SYT1: variants seen among roughly 807,000 people sequenced by gnomAD.
The protein encoded by SYT1 is synaptotagmin 1.
Under a neutral mutation model 44.8 loss-of-function variants are expected in SYT1, and 8 were observed. The observed-to-expected ratio is 0.18, with a 90% CI of 0.10 to 0.32. The LOEUF (loss-of-function observed/expected upper bound fraction) is 0.32. Among genes scored for constraint, SYT1 ranks in the 10% least tolerant of loss-of-function variants. SYT1 has a pLI of 1.00. For synonymous variants in SYT1, 154 were observed against 188.8 expected (o/e 0.82, Z 1.51); for missense variants, 286 against 509.3 (o/e 0.56, Z 4.22).
Position 79,022,367 on chromosome 12 carries a change from TG to T in SYT1, c.-83-24927del, listed in dbSNP as rs1872251174. Among the ~76,000 whole-genome samples the T allele has an allele frequency of 2.0e-5, 3 of 151,950 alleles. No homozygotes were observed. The South Asian group carries it at 6.2e-4, about 32-fold the overall frequency. Reference sequence around the variant, plus strand: ...CGTCAGTGGCTCTCAAAGTATGATCTGGGTACCTGTAGACCCCAAGACGTTT... The same window carrying T: ...CGTCAGTGGCTCTCAAAGTATGATCTGGTACCTGTAGACCCCAAGACGTTT... On this transcript the variant is annotated intron_variant, in intron 2 of 10. Coordinates refer to ENST00000261205, the MANE Select transcript of SYT1 (RefSeq NM_005639.3).
intron 6 of SYT1, 100 bp downstream of exon 6, chr12:79,292,230 AG>A: frequency 1.4e-6 from 2 of 1,389,986 alleles, no homozygotes; most frequent in Non-Finnish European, 1.9e-6. Context: ...GTTTGCTGTG[AG>A]GGGAAAATGC....
At chr12:78,981,216 C>T (rs560788254) in intron 2 of SYT1, among the ~76,000 whole-genome samples, 27 of 147,538 alleles carry the variant, frequency 1.8e-4, no homozygotes, top group Admixed American at 3.5e-4. Flanking sequence ...CAACCTCCAA[C>T]TCCCAGGTTC....
chr12:79,327,853 A>G (rs1449988256), intron 8 of SYT1, among the ~76,000 whole-genome samples: 1 of 152,236 alleles, frequency 6.6e-6, no homozygotes, highest in Admixed American at 6.5e-5. Context: ...AAGAGGAAGC[A>G]GGGAAAGCAT....
intron 9 of SYT1, among the ~76,000 whole-genome samples, chr12:79,386,337 A>T (rs1442101076): frequency 6.7e-6 from 1 of 148,930 alleles, no homozygotes; most frequent in South Asian, 2.1e-4. Context: ...CTTAGTATTC[A>T]TTAGTTTTCT....
At chr12:78,883,008 G>T (rs562808252) in intron 1 of SYT1, among the ~76,000 whole-genome samples, 1 of 151,576 alleles carries the variant, frequency 6.6e-6, no homozygotes, top group Non-Finnish European at 1.5e-5. Flanking sequence ...TAAAGATAAA[G>T]TAGAGATTGT....
At chr12:78,941,780 A>T (rs1592587434) in intron 1 of SYT1, among the ~76,000 whole-genome samples, 1 of 152,142 alleles carries the variant, frequency 6.6e-6, no homozygotes, top group African/African-American at 2.4e-5. Flanking sequence ...GCTAATAGAC[A>T]CCTGGTCAGT....
At chr12:79,122,605 C>G (rs1868295103) in intron 3 of SYT1, among the ~76,000 whole-genome samples, 1 of 147,642 alleles carries the variant, frequency 6.8e-6, no homozygotes, top group African/African-American at 2.5e-5. Flanking sequence ...TGAGCTATTA[C>G]TAAACTGGAA....
intron 3 of SYT1, among the ~76,000 whole-genome samples, chr12:79,117,695 AT>A (rs1879366132): frequency 2.7e-4 from 23 of 86,712 alleles, no homozygotes; most frequent in African/African-American, 1.8e-4. Flanking sequence ...ATATATATAT[AT>A]ATATATATAT....
intron 2 of SYT1, among the ~76,000 whole-genome samples, chr12:79,004,142 C>A (rs963214319): frequency 6.6e-6 from 1 of 151,850 alleles, no homozygotes; most frequent in African/African-American, 2.4e-5. Flanking sequence ...CATTCATATT[C>A]ACTGAAATTT....
chr12:79,312,759 A>G (rs951269536), intron 8 of SYT1, among the ~76,000 whole-genome samples: 1 of 145,892 alleles, frequency 6.9e-6, no homozygotes, highest in African/African-American at 2.6e-5. Flanking sequence ...TGTAATTCAC[A>G]AGGGGCTGCA....
At chr12:79,302,968 T>C (rs1880221018) in intron 8 of SYT1, among the ~76,000 whole-genome samples, 1 of 152,156 alleles carries the variant, frequency 6.6e-6, no homozygotes, top group Non-Finnish European at 1.5e-5. Flanking sequence ...TTCAAAATCA[T>C]CCTTGGTAAT....
chr12:79,451,389 G>A lies in SYT1; in HGVS notation c.*2265G>A, dbSNP rs907020493. 4 of 152,148 alleles carry A rather than the reference G, an allele frequency of 2.6e-5. No homozygotes were observed. The highest frequency in any genetic ancestry group is 7.2e-5 in the African/African-American group (3 of 41,440). The allele number at this position is 152,148 out of a possible 1,614,324, so 9.4% of individuals were successfully genotyped here. On this transcript the variant is annotated 3_prime_UTR_variant, in exon 11 of 11. Coordinates refer to ENST00000261205, the MANE Select transcript of SYT1 (RefSeq NM_005639.3). Reference sequence around the variant, plus strand: ...AAGGGCCAAACCCTACCAAAGAGAGGGAGTTGACTGGCTTTTAAAAAGTAT... The same window carrying A: ...AAGGGCCAAACCCTACCAAAGAGAGAGAGTTGACTGGCTTTTAAAAAGTAT...
At chr12:78,872,783 T>C (rs910935128) in intron 1 of SYT1, among the ~76,000 whole-genome samples, 1 of 151,822 alleles carries the variant, frequency 6.6e-6, no homozygotes, top group African/African-American at 2.4e-5. Context: ...TTTGTATACA[T>C]TTTAGGTTAG....
intron 1 of SYT1, among the ~76,000 whole-genome samples, chr12:78,901,713 TCTC>T (rs1286863871): frequency 6.6e-6 from 1 of 152,102 alleles, no homozygotes; most frequent in Non-Finnish European, 1.5e-5. Flanking sequence ...CCAATCCAAT[TCTC>T]CTCAGACACC....
intron 9 of SYT1, among the ~76,000 whole-genome samples, chr12:79,383,332 A>G (rs1225993911): frequency 6.6e-6 from 1 of 152,226 alleles, no homozygotes; most frequent in Non-Finnish European, 1.5e-5. Context: ...TAGAAAAGGT[A>G]CATTTAAAAC....
rs115229171 is a variant in SYT1 at position 79,072,745 on chromosome 12, A to T, written c.-18+25383A>T. 3.6e-3 allele frequency among the ~76,000 whole-genome samples: 545 copies of T among 152,262 alleles called. 2 individuals are homozygous for T. Among genetic ancestry groups the T allele is most frequent in the African/African-American group, 0.013 (525 of 41,550 alleles). ...AAACAAGATGAGAATTAAGGATGGG[A>T]TGGATATTCCAGAGAAATGGAACGA... is the stretch of plus-strand genomic sequence containing the variant. On this transcript the variant is annotated intron_variant, in intron 3 of 10. Transcript: ENST00000261205.
At chr12:79,349,571 A>T (rs552293673) in intron 8 of SYT1, among the ~76,000 whole-genome samples, 1 of 152,282 alleles carries the variant, frequency 6.6e-6, no homozygotes, top group South Asian at 2.1e-4. Context: ...GTCTTTATAT[A>T]TAAAATGGAC....
chr12:79,066,958 G>C (rs535822809), intron 3 of SYT1, among the ~76,000 whole-genome samples: 1 of 152,228 alleles, frequency 6.6e-6, no homozygotes, highest in South Asian at 2.1e-4. Flanking sequence ...AATTTTCAGG[G>C]ATAGGTTGGA....
chr12:78,928,453 C>A (rs916114601), intron 1 of SYT1, among the ~76,000 whole-genome samples: 6 of 152,266 alleles, frequency 3.9e-5, no homozygotes, highest in East Asian at 3.9e-4. Flanking sequence ...ACATTAGCAA[C>A]CTCAACCTCA....
Sources: gnomAD v4.1 joint callset for allele counts (sites outside exome capture counted in the v4.1 genomes callset) on GRCh38, gnomAD v4.1.1 for gene constraint, MANE v1.5 for transcripts, NCBI Gene and HGNC (gene_info 2026-07-23, HGNC 2026-07-21) for gene names.